Variants in KCND2 observed in about 807,000 individuals in gnomAD.
The protein encoded by KCND2 is A-type voltage-gated potassium channel KCND2.
In KCND2, 16 loss-of-function variants were observed where a neutral mutation model predicts 54.4. That is an observed-to-expected ratio of 0.29 (90% CI 0.20 to 0.45). The LOEUF is 0.45. KCND2 is among the 20% of genes least tolerant of loss of function. The pLI, the probability that KCND2 is intolerant of heterozygous loss-of-function variation, is 1.00. For synonymous variants in KCND2, 317 were observed against 310.7 expected, an observed-to-expected ratio of 1.02 and a Z score of -0.21; for missense variants, 486 against 824.2, an observed-to-expected ratio of 0.59 and a Z score of 5.02.
intron 1 of KCND2, among the ~76,000 whole-genome samples, chr7:120,498,715 C>G (rs901971358): frequency 6.6e-6 from 1 of 152,076 alleles, no homozygotes; most frequent in African/African-American, 2.4e-5. Context: ...GCAGAGGTTG[C>G]AGTAAGCCAA....
rs189923889 is a variant in KCND2 at position 120,351,857 on chromosome 7, C to T, written c.1115+76110C>T. On this transcript the variant is annotated intron_variant, in intron 1 of 5. Coordinates refer to ENST00000331113, the MANE Select transcript of KCND2 (RefSeq NM_012281.3). ...GACAGTGTCTCATTCTGTCACCAGG[C>T]TGGAGTGCAGTGGCACGATCTCAGC... 2.7e-3 allele frequency among the ~76,000 whole-genome samples: 409 copies of T among 151,532 alleles called. 1 individual carries two copies. The highest frequency in any genetic ancestry group is 6.2e-3 in the Admixed American group (95 of 15,208).
chr7:120,640,859 G>C (rs1254001951), intron 1 of KCND2, among the ~76,000 whole-genome samples: 1 of 152,096 alleles, frequency 6.6e-6, no homozygotes, highest in East Asian at 1.9e-4. Flanking sequence ...TAGAAGTCCG[G>C]TTAAAGTCAG....
At chr7:120,553,375 A>G (rs1792124676) in intron 1 of KCND2, among the ~76,000 whole-genome samples, 1 of 152,212 alleles carries the variant, frequency 6.6e-6, no homozygotes, top group East Asian at 1.9e-4. Flanking sequence ...CTGTAGCTGT[A>G]TCTAAGATAG....
intron 1 of KCND2, among the ~76,000 whole-genome samples, chr7:120,509,028 A>G (rs1464319945): frequency 1.3e-5 from 2 of 151,956 alleles, no homozygotes. Context: ...TGCAAGTAAT[A>G]TAAACTACCA....
At chr7:120,409,615 G>T (rs1352068510) in intron 1 of KCND2, among the ~76,000 whole-genome samples, 1 of 151,776 alleles carries the variant, frequency 6.6e-6, no homozygotes, top group Non-Finnish European at 1.5e-5. Context: ...TTTCATTGTG[G>T]TTTTAATGTG....
At chr7:120,519,485 G>A (rs1791660192) in intron 1 of KCND2, among the ~76,000 whole-genome samples, 1 of 152,152 alleles carries the variant, frequency 6.6e-6, no homozygotes, top group South Asian at 2.1e-4. Flanking sequence ...GAGCTTGGGA[G>A]CAGATTCTTC....
At chr7:120,662,139 C>T (rs1012677963) in intron 1 of KCND2, among the ~76,000 whole-genome samples, 1 of 152,096 alleles carries the variant, frequency 6.6e-6, no homozygotes, top group Non-Finnish European at 1.5e-5. Flanking sequence ...AATCTTAGAT[C>T]TGTTTAATTT....
At chr7:120,371,549 A>T (rs1347457520) in intron 1 of KCND2, among the ~76,000 whole-genome samples, 1 of 151,882 alleles carries the variant, frequency 6.6e-6, no homozygotes, top group Non-Finnish European at 1.5e-5. Context: ...TTTTCTCAAC[A>T]AGTTGATTTT....
intron 1 of KCND2, among the ~76,000 whole-genome samples, chr7:120,457,650 T>C (rs1453974924): frequency 6.6e-6 from 1 of 152,214 alleles, no homozygotes; most frequent in Non-Finnish European, 1.5e-5. Flanking sequence ...AGTCCCAAAC[T>C]TTCCTACATC....
At chr7:120,602,387 C>G (rs1792824756) in intron 1 of KCND2, among the ~76,000 whole-genome samples, 1 of 152,080 alleles carries the variant, frequency 6.6e-6, no homozygotes, top group Non-Finnish European at 1.5e-5. Context: ...CCATTCCACT[C>G]CAGTCACACA....
At chr7:120,492,628 A>G (rs556622672) in intron 1 of KCND2, among the ~76,000 whole-genome samples, 1 of 152,172 alleles carries the variant, frequency 6.6e-6, no homozygotes, top group South Asian at 2.1e-4. Flanking sequence ...AGCTCTCTAG[A>G]GTTTCTTTTA....
intron 1 of KCND2, among the ~76,000 whole-genome samples, chr7:120,599,361 C>CA (rs201045276): frequency 1.3e-4 from 19 of 150,818 alleles, no homozygotes; most frequent in African/African-American, 2.4e-4. Context: ...TTATTTGTCT[C>CA]AAAAAAAAAT....
intron 1 of KCND2, among the ~76,000 whole-genome samples, chr7:120,376,594 G>A (rs1028071637): frequency 1.3e-5 from 2 of 151,092 alleles, no homozygotes; most frequent in African/African-American, 4.8e-5. Context: ...AAATACATTT[G>A]CATTCTATTA....
chr7:120,369,578 G>T (rs778114682), intron 1 of KCND2, among the ~76,000 whole-genome samples: 1 of 152,040 alleles, frequency 6.6e-6, no homozygotes, highest in South Asian at 2.1e-4. Flanking sequence ...TGTAGAGTCT[G>T]CATGAATATG....
chr7:120,355,659 T>C (rs1255292852), intron 1 of KCND2, among the ~76,000 whole-genome samples: 2 of 152,210 alleles, frequency 1.3e-5, no homozygotes, highest in Non-Finnish European at 2.9e-5. Flanking sequence ...ACTACTAGCC[T>C]GGGAAAAGAT....
intron 1 of KCND2, among the ~76,000 whole-genome samples, chr7:120,568,619 C>T (rs1792326861): frequency 6.6e-6 from 1 of 152,052 alleles, no homozygotes; most frequent in African/African-American, 2.4e-5. Context: ...GAACACCTTG[C>T]CTTTGTGTTG....
At chr7:120,687,803 A>C (rs1031096995) in intron 1 of KCND2, among the ~76,000 whole-genome samples, 1 of 152,242 alleles carries the variant, frequency 6.6e-6, no homozygotes, top group Non-Finnish European at 1.5e-5. Context: ...ATAATGTTAC[A>C]TAAATATATA....
At chr7:120,580,055 A>G (rs1177591390) in intron 1 of KCND2, among the ~76,000 whole-genome samples, 3 of 152,232 alleles carry the variant, frequency 2.0e-5, no homozygotes, top group Non-Finnish European at 4.4e-5. Flanking sequence ...CCTATGCATA[A>G]CATTTCACAT....
chr7:120,295,884 C>T (rs1372208885), intron 1 of KCND2, among the ~76,000 whole-genome samples: 3 of 151,894 alleles, frequency 2.0e-5, no homozygotes, highest in African/African-American at 7.2e-5. Flanking sequence ...GTTAAACACC[C>T]CTCTATCTAC....
Sources: allele counts gnomAD v4.1 joint callset (sites outside exome capture counted in the v4.1 genomes callset), GRCh38; gene constraint gnomAD v4.1.1; transcripts MANE v1.5; gene names NCBI Gene and HGNC (gene_info 2026-07-23, HGNC 2026-07-21).